PGM3: variants seen among roughly 807,000 people sequenced by gnomAD.
PGM3 encodes the protein phosphoglucomutase 3.
A neutral mutation model predicts 66.2 loss-of-function variants in PGM3; 40 were observed. That is an observed-to-expected ratio of 0.60 (90% confidence interval 0.47 to 0.79). PGM3 has a LOEUF of 0.79. Among genes scored for constraint, PGM3 ranks in the 30% least tolerant of loss-of-function variants. PGM3 has a pLI of 0.00. For synonymous variants in PGM3, 191 were observed against 224.2 expected, an observed-to-expected ratio of 0.85 and a Z score of 1.32; for missense variants, 537 against 643.4, an observed-to-expected ratio of 0.83 and a Z score of 1.79.
In PGM3 at chr6:83,168,226, C is replaced by T; in HGVS notation, c.*1008G>A. ...AATGTAATTATTTAAAACACACACA[C>T]TGCTCTGCGTTGTATAGTTTTTCCT... On this transcript the variant is annotated 3_prime_UTR_variant, in exon 13 of 13. Transcript: ENST00000513973. 6.5e-7 allele frequency: 1 copy of T among 1,545,964 alleles called. No individual in the cohort carries two copies. The highest frequency in any genetic ancestry group is 8.7e-7 in the Non-Finnish European group (1 of 1,153,052).
intron 11 of PGM3, chr6:83,170,800 G>C (rs746834444): frequency 5.2e-6 from 1 of 191,976 alleles, no homozygotes; most frequent in Non-Finnish European, 1.1e-5. Flanking sequence ...TAAGAAGACC[G>C]ATAAGAATTT....
intron 10 of PGM3, among the ~76,000 whole-genome samples, chr6:83,173,760 A>T (rs535250798): frequency 1.8e-4 from 27 of 152,062 alleles, no homozygotes; most frequent in African/African-American, 6.0e-4. Flanking sequence ...TTTTTGAGAC[A>T]GAGTCTCGCT....
the PGM3 span, chr6:83,154,053 C>T: frequency 2.5e-6 from 4 of 1,613,470 alleles, no homozygotes; most frequent in African/African-American, 2.7e-5. Context: ...AGTAAGTTGC[C>T]CTCTTATTTG....
intron 9 of PGM3, among the ~76,000 whole-genome samples, chr6:83,175,205 T>C (rs1787668308): frequency 6.6e-6 from 1 of 152,214 alleles, no homozygotes; most frequent in Non-Finnish European, 1.5e-5. Flanking sequence ...TCAGCAGAGT[T>C]AAACAACTGT....
the PGM3 span, chr6:83,152,049 G>A: frequency 6.2e-7 from 1 of 1,612,966 alleles, no homozygotes; most frequent in East Asian, 2.2e-5. Flanking sequence ...AAACATTTAG[G>A]TTTATTATCT....
intron 6 of PGM3, among the ~76,000 whole-genome samples, chr6:83,181,020 GCA>G (rs1487917978): frequency 1.3e-5 from 2 of 152,098 alleles, no homozygotes; most frequent in Non-Finnish European, 2.9e-5. Context: ...TTAAACAGTG[GCA>G]CACAGACAAA....
chr6:83,160,727 A>C (rs898735547), downstream of PGM3, among the ~76,000 whole-genome samples: 2 of 152,186 alleles, frequency 1.3e-5, no homozygotes, highest in Non-Finnish European at 2.9e-5. Context: ...AAATGTAGTT[A>C]AGGTAATATG....
At chr6:83,170,967 A>AGGAAGTACTCTGTGAACT (rs1366574979) in intron 11 of PGM3, 1 of 154,586 alleles carries the variant, frequency 6.5e-6, no homozygotes, top group African/African-American at 2.4e-5. Context: ...TCTCTCCCTC[A>AGGAAGTACTCTGTGAACT]GGAAGTACTC....
intron 11 of PGM3, 138 bp from the exon 12 acceptor site, chr6:83,170,616 T>C: frequency 1.4e-6 from 1 of 696,996 alleles, no homozygotes; most frequent in Non-Finnish European, 2.4e-6. Context: ...GTCAGGGTAA[T>C]TAATTTCAAC....
chr6:83,153,277 TC>T, the PGM3 span: 2 of 300,848 alleles, frequency 6.6e-6, no homozygotes, highest in Non-Finnish European at 1.2e-5. Flanking sequence ...TTTTTGTACT[TC>T]CCTATCTCAG....
chr6:83,190,130 A>G (rs971208958), intron 2 of PGM3, among the ~76,000 whole-genome samples: 16 of 152,226 alleles, frequency 1.1e-4, no homozygotes, highest in African/African-American at 3.9e-4. Context: ...TATTCCCACC[A>G]CAAAACAAGG....
the PGM3 span, chr6:83,153,282 A>G: frequency 2.6e-5 from 8 of 307,798 alleles, no homozygotes; most frequent in Non-Finnish European, 2.9e-5. Context: ...GTACTTCCCT[A>G]TCTCAGTTGG....
chr6:83,171,766 C>T (rs758029776), intron 11 of PGM3, among the ~76,000 whole-genome samples, 171 bp downstream of exon 11: 2 of 152,222 alleles, frequency 1.3e-5, no homozygotes, highest in Non-Finnish European at 2.9e-5. Context: ...GGATTAAAGG[C>T]ATGAGCCACG....
intron 5 of PGM3, 139 bp from the exon 6 acceptor site, chr6:83,182,070 T>C: frequency 2.0e-6 from 1 of 504,354 alleles, no homozygotes; most frequent in Non-Finnish European, 3.3e-6. Flanking sequence ...ATTATAATTG[T>C]GTTCATTTTT....
Position 83,166,758 on chromosome 6 carries a change from A to G in PGM3, c.*2476T>C. 1 of 1,107,196 alleles carries G rather than the reference A, an allele frequency of 9.0e-7. No individual in the cohort carries two copies. 68.6% of individuals were successfully genotyped at this position (1,107,196 alleles called of 1,614,324 possible). On this transcript the variant is annotated 3_prime_UTR_variant, in exon 13 of 13. Coordinates refer to ENST00000513973, the MANE Select transcript of PGM3 (RefSeq NM_015599.3). ...GAGCACATAGAAGAAAATAAGCTGGATTTTGCATCTGCTTGACCCACTAGG... is the reference window on the plus strand; with the variant it reads ...GAGCACATAGAAGAAAATAAGCTGGGTTTTGCATCTGCTTGACCCACTAGG...
the PGM3 span, chr6:83,151,803 A>T: frequency 6.8e-7 from 1 of 1,469,774 alleles, no homozygotes; most frequent in South Asian, 1.3e-5. Flanking sequence ...AATATCTATT[A>T]TCAGAAATAT....
chr6:83,151,817 CTA>C, the PGM3 span: 83 of 1,510,036 alleles, frequency 5.5e-5, no homozygotes, highest in Non-Finnish European at 7.5e-5. Context: ...GAAATATAAA[CTA>C]CAGAAGTTCA....
intron 4 of PGM3, among the ~76,000 whole-genome samples, chr6:83,185,964 G>A (rs1391698387): frequency 1.3e-5 from 2 of 152,028 alleles, no homozygotes; most frequent in Non-Finnish European, 2.9e-5. Context: ...CAAAGAAAGA[G>A]CTTTAACATT....
chr6:83,181,593 G>C, intron 6 of PGM3, 143 bp downstream of exon 6: 1 of 591,716 alleles, frequency 1.7e-6, no homozygotes, highest in African/African-American at 1.9e-5. Flanking sequence ...GGCTCTGAGA[G>C]TGGGAAGACT....
Sources: gnomAD v4.1 joint callset for allele counts (sites outside exome capture counted in the v4.1 genomes callset) on GRCh38, gnomAD v4.1.1 for gene constraint, MANE v1.5 for transcripts, NCBI Gene and HGNC (gene_info 2026-07-23, HGNC 2026-07-21) for gene names.